STK40: variants seen among roughly 807,000 people sequenced by gnomAD.
STK40 encodes serine/threonine-protein kinase 40.
Under a neutral mutation model 47.9 loss-of-function variants are expected in STK40, and 13 were observed. The ratio of observed to expected loss-of-function variants is 0.27; its 90% CI spans 0.18 to 0.43. The LOEUF is 0.43. Ranked by LOEUF, STK40 falls within the 20% of genes least tolerant of loss-of-function variation. The pLI is 1.00. For missense variants in STK40, 460 were observed against 595.1 expected (o/e 0.77, Z 2.36); for synonymous variants, 225 against 243.2 (o/e 0.93, Z 0.69).
intron 1 of STK40, chr1:36,372,652 T>A (rs1570463021): frequency 6.6e-6 from 1 of 152,114 alleles, no homozygotes; most frequent in South Asian, 2.1e-4. Context: ...GACTTACTTA[T>A]AAACAATCAT....
intron 5 of STK40, 114 bp downstream of exon 5, chr1:36,355,092 C>T: frequency 9.1e-7 from 1 of 1,099,856 alleles, no homozygotes; most frequent in Non-Finnish European, 1.3e-6. Context: ...CTTTTGGACA[C>T]TCCCAGCTGC....
Position 36,341,680 on chromosome 1 carries a change from C to T in STK40, c.*75G>A. Reference sequence around the variant, plus strand: ...CCCGGGAGAGTCCAGCACTACAGGGCCCAGCCCTGACAGCCACGCCTTTGG... The same window carrying T: ...CCCGGGAGAGTCCAGCACTACAGGGTCCAGCCCTGACAGCCACGCCTTTGG... On this transcript the variant is annotated 3_prime_UTR_variant, in exon 11 of 11. Coordinates refer to ENST00000373132, the MANE Select transcript of STK40 (RefSeq NM_001282547.2). 1.9e-6 allele frequency: 3 copies of T among 1,564,380 alleles called. No homozygotes were observed. Among genetic ancestry groups the T allele is most frequent in the South Asian group, 2.3e-5 (2 of 85,422 alleles).
chr1:36,352,924 A>G (rs1646771899), intron 6 of STK40, among the ~76,000 whole-genome samples: 1 of 152,240 alleles, frequency 6.6e-6, no homozygotes, highest in Non-Finnish European at 1.5e-5. Flanking sequence ...GGTGCACAGC[A>G]TCGTCCCGAT....
Position 36,341,657 on chromosome 1 carries a change from C to T in STK40, c.*98G>A, listed in dbSNP as rs1008233158. The T allele has an allele frequency of 5.5e-6, 8 of 1,452,126 alleles. No homozygotes were observed. Among genetic ancestry groups the T allele is most frequent in the African/African-American group, 4.2e-5 (3 of 71,906 alleles). The allele number at this position is 1,452,126 out of a possible 1,614,324, so 90.0% of individuals were successfully genotyped here. On this transcript the variant is annotated 3_prime_UTR_variant, in exon 11 of 11. Transcript: ENST00000373132. Reference sequence around the variant, plus strand: ...TCCCTGCCCTGTCCCTATTGTGGCCCGGGAGAGTCCAGCACTACAGGGCCC... The same window carrying T: ...TCCCTGCCCTGTCCCTATTGTGGCCTGGGAGAGTCCAGCACTACAGGGCCC...
chr1:36,384,986 C>T (rs2124757331), intron 1 of STK40, among the ~76,000 whole-genome samples: 1 of 152,352 alleles, frequency 6.6e-6, no homozygotes, highest in Admixed American at 6.5e-5. Context: ...TCCTGCCACA[C>T]AGAGGGCGGC....
At chr1:36,377,358 C>A (rs910060378) in intron 1 of STK40, among the ~76,000 whole-genome samples, 1 of 151,232 alleles carries the variant, frequency 6.6e-6, no homozygotes, top group Non-Finnish European at 1.5e-5. Context: ...CATGGTAAAA[C>A]CCCATCTCTA....
intron 6 of STK40, among the ~76,000 whole-genome samples, chr1:36,350,343 G>A (rs1412390950): frequency 1.3e-5 from 2 of 152,198 alleles, no homozygotes; most frequent in Non-Finnish European, 2.9e-5. Context: ...TTCCCACAGA[G>A]CAGAGGCACT....
Position 36,367,996 on chromosome 1 carries a change from T to C in STK40, c.-8-6656A>G, listed in dbSNP as rs549338690. 2.0e-5 allele frequency: 10 copies of C among 493,606 alleles called. No individual in the cohort carries two copies. In the South Asian group the frequency reaches 7.0e-4, roughly 34 times the overall value. 30.6% of individuals were successfully genotyped at this position (493,606 alleles called of 1,614,324 possible). On this transcript the variant is annotated intron_variant, in intron 1 of 10. Transcript: ENST00000373132. The stretch of plus-strand genomic sequence containing the variant: ...CCTGGTGCCTCCAGCTTAAGATCTC[T>C]TGGAGCAGGATTGCGGGAGGAGAGC...
intron 1 of STK40, among the ~76,000 whole-genome samples, chr1:36,365,266 A>C (rs937960030): frequency 6.6e-6 from 1 of 152,236 alleles, no homozygotes; most frequent in Admixed American, 6.5e-5. Context: ...TTGGGATTAC[A>C]GGCATGAGCA....
At chr1:36,342,046 G>A in intron 10 of STK40, 73 bp from the exon 11 acceptor site, 1 of 1,405,650 alleles carries the variant, frequency 7.1e-7, no homozygotes, top group Non-Finnish European at 9.8e-7. Flanking sequence ...CAGGAGGGCA[G>A]GCAAGAGTGC....
At chr1:36,365,139 T>A (rs1187721313) in intron 1 of STK40, among the ~76,000 whole-genome samples, 3 of 152,124 alleles carry the variant, frequency 2.0e-5, no homozygotes, top group Non-Finnish European at 2.9e-5. Flanking sequence ...TACAGGCATG[T>A]GCCACCACAC....
At chr1:36,351,229 G>A (rs558604705) in intron 6 of STK40, among the ~76,000 whole-genome samples, 4 of 152,156 alleles carry the variant, frequency 2.6e-5, no homozygotes, top group Non-Finnish European at 5.9e-5. Context: ...TTCGAATTTC[G>A]ATCCTTTTAA....
At chr1:36,361,013 G>T (rs982743214) in intron 2 of STK40, among the ~76,000 whole-genome samples, 2 of 152,188 alleles carry the variant, frequency 1.3e-5, no homozygotes, top group Non-Finnish European at 2.9e-5. Flanking sequence ...CCCTGGTACA[G>T]AGTGACCCAA....
chr1:36,358,230 G>C lies in STK40; in HGVS notation c.342+9C>G. ...GTGAGCGCGAAGGGTGAGGGGGAAG[G>C]CCGCTCACCTGGAAGAGGCCGTGGT... is the stretch of plus-strand genomic sequence containing the variant. On this transcript the variant is annotated intron_variant, in intron 4 of 10. Coordinates refer to ENST00000373132, the MANE Select transcript of STK40 (RefSeq NM_001282547.2). 1 of 1,576,304 alleles carries C rather than the reference G, an allele frequency of 6.3e-7. No homozygotes were observed. Among genetic ancestry groups the C allele is most frequent in the South Asian group, 1.1e-5 (1 of 89,026 alleles).
chr1:36,359,933 T>G (rs75992752), intron 2 of STK40, among the ~76,000 whole-genome samples: 3 of 152,182 alleles, frequency 2.0e-5, no homozygotes, highest in African/African-American at 7.2e-5. Flanking sequence ...CTTCCCCAGC[T>G]TTCCCCACAG....
At position 36,355,108 on chromosome 1, in the gene STK40, A is replaced by G. The variant is rs1428294969; in HGVS notation, c.570+98T>C. 3 of 1,266,688 alleles carry G rather than the reference A, an allele frequency of 2.4e-6. No homozygotes were observed. In the African/African-American group the frequency reaches 4.4e-5, roughly 19 times the overall value. 78.5% of individuals were successfully genotyped at this position (1,266,688 alleles called of 1,614,324 possible). ...TTTTGGACACTCCCAGCTGCAAAGCACACCTGGGTGCACAGGACAGAGCTG... is the reference window on the plus strand; with the variant it reads ...TTTTGGACACTCCCAGCTGCAAAGCGCACCTGGGTGCACAGGACAGAGCTG... On this transcript the variant is annotated intron_variant, in intron 5 of 10. Transcript: ENST00000373132.
At chr1:36,361,461 C>T (rs1646851668) in intron 1 of STK40, 121 bp from the exon 2 acceptor site, 1 of 1,497,878 alleles carries the variant, frequency 6.7e-7, no homozygotes, top group African/African-American at 1.4e-5. Context: ...CCTCCAACTC[C>T]TCCTGCTACC....
chr1:36,348,838 A>C lies in STK40; in HGVS notation c.624-23T>G, dbSNP rs767911569. 8.9e-6 allele frequency: 14 copies of C among 1,573,906 alleles called. No homozygotes were observed. The South Asian group carries it at 1.6e-4, about 18-fold the overall frequency. ...GTCCTAGGAGTGGGAGACAGAGTGAACAAACCTCAGTGTCTATAGCAACAG... is the reference window on the plus strand; with the variant it reads ...GTCCTAGGAGTGGGAGACAGAGTGACCAAACCTCAGTGTCTATAGCAACAG... On this transcript the variant is annotated intron_variant, in intron 6 of 10. Coordinates refer to ENST00000373132, the MANE Select transcript of STK40 (RefSeq NM_001282547.2).
At chr1:36,352,849 G>A (rs528472824) in intron 6 of STK40, among the ~76,000 whole-genome samples, 6 of 152,358 alleles carry the variant, frequency 3.9e-5, no homozygotes, top group South Asian at 2.1e-4. Flanking sequence ...ACCACTGAGC[G>A]TTTCTGTCTG....
Sources: allele counts gnomAD v4.1 joint callset (sites outside exome capture counted in the v4.1 genomes callset), GRCh38; gene constraint gnomAD v4.1.1; transcripts MANE v1.5; gene names NCBI Gene and HGNC (gene_info 2026-07-23, HGNC 2026-07-21).